The following CRBN variants were observed in gnomAD, a reference collection of about 807,000 sequenced individuals.
The protein encoded by CRBN is cereblon, also known as protein cereblon.
CRBN carries 53 observed loss-of-function variants against 62.2 expected under a neutral mutation model. The ratio of observed to expected loss-of-function variants is 0.85; its 90% confidence interval spans 0.68 to 1.07. The LOEUF (loss-of-function observed/expected upper bound fraction) is 1.07, where lower values mean the gene tolerates loss of function less well. Among genes scored for constraint, CRBN ranks in the 50% least tolerant of loss-of-function variants. The pLI is 0.00. For synonymous variants in CRBN, 208 were observed against 176.1 expected (o/e 1.18, Z -1.43); for missense variants, 616 against 531.1 (o/e 1.16, Z -1.57).
chr3:3,153,318 G>A (rs966469786), intron 9 of CRBN, 106 bp downstream of exon 9: 1 of 715,810 alleles, frequency 1.4e-6, no homozygotes, highest in Admixed American at 2.2e-5. Context: ...TTTGCTAAAT[G>A]TTTGTAACTT....
chr3:3,175,251 T>C lies in CRBN; in HGVS notation c.86A>G (p.Asp29Gly). ...PLLPAESEEEDEMEVEDQDSK... is the reference protein window; with the variant it reads ...PLLPAESEEEGEMEVEDQDSK... ...ATCCTGGTCTTCAACTTCCATTTCA[T>C]CTTCTTCCTCACTCTCTGCTATAAA... The change falls in exon 2 of 11, where the codon GAT (aspartate) becomes GGT (glycine). Residue 29 changes from aspartate (D) to glycine (G), a missense_variant. Asp to Gly is a moderately conservative substitution (Grantham distance 94). Transcript: ENST00000231948. 6.2e-7 allele frequency: 1 copy of C among 1,610,422 alleles called. No homozygotes were observed. Among genetic ancestry groups the C allele is most frequent in the Non-Finnish European group, 8.5e-7 (1 of 1,176,912 alleles).
At chr3:3,179,570 CT>C in intron 1 of CRBN, 50 bp downstream of exon 1, 1 of 1,573,052 alleles carries the variant, frequency 6.4e-7, no homozygotes, top group Non-Finnish European at 8.7e-7. Context: ...CCGCTAGCGG[CT>C]CCGAGCCTCG....
intron 5 of CRBN, among the ~76,000 whole-genome samples, chr3:3,161,610 AACTCCTCACCTTGTGATCCACCC>A (rs1219841653): frequency 9.9e-5 from 15 of 151,988 alleles, no homozygotes; most frequent in African/African-American, 3.6e-4. Flanking sequence ...GCTGGTCTTG[AACTCCTCACCTTGTGATCCACCC>A]GCCTCAGCCT....
chr3:3,168,165 T>C lies in CRBN; in HGVS notation c.528-372A>G, dbSNP rs147056861. On this transcript the variant is annotated intron_variant, in intron 4 of 10. Transcript: ENST00000231948. Reference sequence around the variant, plus strand: ...TTAAACATTCTTAAGACACCCAAATTCTTCTATCCCCCCACTTCTTATGCT... The same window carrying C: ...TTAAACATTCTTAAGACACCCAAATCCTTCTATCCCCCCACTTCTTATGCT... 2.9e-3 allele frequency among the ~76,000 whole-genome samples: 434 copies of C among 152,062 alleles called. 3 individuals are homozygous for C. Among genetic ancestry groups the C allele is most frequent in the African/African-American group, 0.01 (415 of 41,386 alleles).
chr3:3,177,950 A>G (rs368310892), intron 1 of CRBN, among the ~76,000 whole-genome samples: 4 of 152,122 alleles, frequency 2.6e-5, no homozygotes, highest in Admixed American at 1.3e-4. Flanking sequence ...CATTATTGCT[A>G]TATCTACACC....
At chr3:3,176,517 CT>C (rs1707828442) in intron 1 of CRBN, among the ~76,000 whole-genome samples, 2 of 152,176 alleles carry the variant, frequency 1.3e-5, no homozygotes, top group African/African-American at 4.8e-5. Context: ...AGGCAGATCA[CT>C]TGAGGTCAGG....
rs1229098631 is a variant in CRBN, at chr3:3,153,734, T to C, written c.951+226A>G. The C allele has an allele frequency of 4.9e-6, 3 of 615,094 alleles. No homozygotes were observed. In the African/African-American group the frequency reaches 5.6e-5, roughly 11 times the overall value. The allele number at this position is 615,094 out of a possible 1,614,324, so 38.1% of individuals were successfully genotyped here. A position where few individuals can be genotyped will look rare whatever the true frequency, so the allele number is the denominator to read the frequency against. Reference sequence around the variant, plus strand: ...AGTAAAGGAATAGTGATATATAACCTTGGATATTTCCATGCAGAAATCAAG... The same window carrying C: ...AGTAAAGGAATAGTGATATATAACCCTGGATATTTCCATGCAGAAATCAAG... On this transcript the variant is annotated intron_variant, in intron 8 of 10. Transcript: ENST00000231948.
At chr3:3,177,831 G>A (rs1325674466) in intron 1 of CRBN, among the ~76,000 whole-genome samples, 3 of 151,762 alleles carry the variant, frequency 2.0e-5, no homozygotes, top group Non-Finnish European at 4.4e-5. Flanking sequence ...CAAATATAAA[G>A]CTTTTTGTTG....
Position 3,154,008 on chromosome 3 carries a change from A to G in CRBN, c.903T>C (p.Ile301=). 1 of 1,613,816 alleles carries G rather than the reference A, an allele frequency of 6.2e-7. No homozygotes were observed. Among genetic ancestry groups the G allele is most frequent in the Non-Finnish European group, 8.5e-7 (1 of 1,179,746 alleles). ...AGCGAAGTCGCTGGATAGCACTGCC[A>G]ATTTTAAGGAGCTGAATTCTCAATA... The part of the protein sequence containing the change: ...DDVLRIQLLK[I]GSAIQRLRCE... The change falls in exon 8 of 11, where the codon ATT becomes ATC. Residue 301 remains isoleucine, a synonymous_variant. Transcript: ENST00000231948.
At chr3:3,165,665 T>C (rs1302011820) in intron 5 of CRBN, among the ~76,000 whole-genome samples, 1 of 152,188 alleles carries the variant, frequency 6.6e-6, no homozygotes, top group Admixed American at 6.5e-5. Context: ...AATAAAACTT[T>C]TATATGCAGT....
At chr3:3,178,798 C>G (rs931688954) in intron 1 of CRBN, among the ~76,000 whole-genome samples, 6 of 152,124 alleles carry the variant, frequency 3.9e-5, no homozygotes, top group Admixed American at 1.3e-4. Context: ...CGAAGGGACT[C>G]AAGTAATACT....
chr3:3,177,433 A>T (rs1019650037), intron 1 of CRBN, among the ~76,000 whole-genome samples: 1 of 152,350 alleles, frequency 6.6e-6, no homozygotes, highest in Non-Finnish European at 1.5e-5. Flanking sequence ...ACTTCAACTT[A>T]TATGTAAATA....
intron 7 of CRBN, chr3:3,154,344 C>G (rs1706782264): frequency 2.1e-6 from 1 of 487,242 alleles, no homozygotes; most frequent in African/African-American, 1.9e-5. Context: ...TGCCAAGAGA[C>G]TAGAAAAATA....
intron 5 of CRBN, among the ~76,000 whole-genome samples, chr3:3,160,596 C>A (rs951123898): frequency 6.6e-6 from 1 of 152,180 alleles, no homozygotes; most frequent in African/African-American, 2.4e-5. Context: ...CAAGACTTTT[C>A]TTCTTTATAT....
intron 1 of CRBN, among the ~76,000 whole-genome samples, chr3:3,179,055 C>T (rs914283445): frequency 6.6e-6 from 1 of 152,184 alleles, no homozygotes. Flanking sequence ...GATATAATGA[C>T]AGACACACCC....
intron 4 of CRBN, among the ~76,000 whole-genome samples, chr3:3,168,085 C>CA (rs1019957977): frequency 6.6e-6 from 1 of 151,976 alleles, no homozygotes; most frequent in Non-Finnish European, 1.5e-5. Context: ...ATAAATGAAA[C>CA]AAAGTTTTAA....
At chr3:3,169,307 GTTTT>G (rs908327150) in intron 4 of CRBN, among the ~76,000 whole-genome samples, 1 of 151,930 alleles carries the variant, frequency 6.6e-6, no homozygotes, top group Non-Finnish European at 1.5e-5. Context: ...ACATAAGCTA[GTTTT>G]TTTTCTTTCC....
At chr3:3,172,960 AC>A in intron 3 of CRBN, 35 bp from the exon 4 acceptor site, 1 of 1,578,660 alleles carries the variant, frequency 6.3e-7, no homozygotes, top group South Asian at 1.1e-5. Context: ...AGAATTTTGA[AC>A]ATTTGAGTTT....
chr3:3,166,695 G>A (rs145613883), intron 5 of CRBN, among the ~76,000 whole-genome samples: 100 of 152,194 alleles, frequency 6.6e-4, no homozygotes, highest in African/African-American at 2.1e-3. Context: ...TTATAACCCT[G>A]ATGCCCATCA....
Sources: gnomAD v4.1 joint callset for allele counts (sites outside exome capture counted in the v4.1 genomes callset) on GRCh38, gnomAD v4.1.1 for gene constraint, MANE v1.5 for transcripts, NCBI Gene and HGNC (gene_info 2026-07-23, HGNC 2026-07-21) for gene names.